Variants in OSBPL3 observed in about 807,000 individuals in gnomAD.
OSBPL3 encodes oxysterol binding protein like 3, also known as oxysterol-binding protein-related protein 3.
In OSBPL3, 65 loss-of-function variants were observed where a neutral mutation model predicts 120.1. The observed-to-expected ratio is 0.54, with a 90% CI of 0.44 to 0.67. The LOEUF is 0.67. OSBPL3 is among the 30% of genes least tolerant of loss of function. OSBPL3 has a pLI of 0.00. For synonymous variants in OSBPL3, 416 were observed against 402.6 expected (o/e 1.03, Z -0.40); for missense variants, 1,004 against 1,082.1 (o/e 0.93, Z 1.01).
chr7:24,931,655 T>C (rs927241454), intron 1 of OSBPL3, among the ~76,000 whole-genome samples: 1 of 150,706 alleles, frequency 6.6e-6, no homozygotes, highest in Non-Finnish European at 1.5e-5. Flanking sequence ...TGAAAGAAAA[T>C]AAAATTGTGT....
chr7:24,829,667 A>G (rs1584276100), intron 16 of OSBPL3, among the ~76,000 whole-genome samples: 1 of 152,200 alleles, frequency 6.6e-6, no homozygotes, highest in Non-Finnish European at 1.5e-5. Context: ...GGATATACAG[A>G]GAGTGGACGT....
At chr7:24,858,584 G>A (rs530333384) in intron 10 of OSBPL3, among the ~76,000 whole-genome samples, 2 of 152,352 alleles carry the variant, frequency 1.3e-5, no homozygotes, top group South Asian at 4.1e-4. Flanking sequence ...GCTCCCTGTG[G>A]AATTTGTTGT....
chr7:24,859,478 A>G (rs570773311), intron 10 of OSBPL3, among the ~76,000 whole-genome samples: 1 of 152,282 alleles, frequency 6.6e-6, no homozygotes, highest in South Asian at 2.1e-4. Flanking sequence ...TCATACCTAT[A>G]TATTGTTTTG....
chr7:24,861,269 C>T (rs182458483), intron 10 of OSBPL3, among the ~76,000 whole-genome samples: 2 of 152,258 alleles, frequency 1.3e-5, no homozygotes, highest in Admixed American at 6.5e-5. Flanking sequence ...ACAATGAATT[C>T]TTCAAAGTGG....
In OSBPL3 at chr7:24,936,821, C is replaced by G. The variant is rs1046629105; in HGVS notation, c.-150+43065G>C. 1.3e-5 allele frequency among the ~76,000 whole-genome samples: 2 copies of G among 152,184 alleles called. No individual in the cohort carries two copies. The highest frequency in any genetic ancestry group is 2.9e-5 in the Non-Finnish European group (2 of 68,030). ...AGTAGGAAACTCAAAGGCTTTTAAA[C>G]AGAGGACTAGACTGGTATCAGTATC... is the stretch of plus-strand genomic sequence containing the variant. On this transcript the variant is annotated intron_variant, in intron 1 of 22. Transcript: ENST00000313367. The surrounding 1 kb of genome is among the most constrained non-coding windows in gnomAD (Gnocchi z 4.2).
At chr7:24,859,091 A>T (rs574764386) in intron 10 of OSBPL3, among the ~76,000 whole-genome samples, 33 of 152,320 alleles carry the variant, frequency 2.2e-4, no homozygotes, top group African/African-American at 7.7e-4. Flanking sequence ...GTCTAATGGT[A>T]ATTAGGACAA....
chr7:24,927,280 A>G (rs558060127), intron 1 of OSBPL3, among the ~76,000 whole-genome samples: 1 of 152,334 alleles, frequency 6.6e-6, no homozygotes, highest in South Asian at 2.1e-4. Flanking sequence ...TCTGAATAGC[A>G]TTTTTATAAG....
chr7:24,861,879 T>G, intron 9 of OSBPL3, 110 bp from the exon 10 acceptor site: 16 of 605,956 alleles, frequency 2.6e-5, no homozygotes, highest in East Asian at 1.1e-4. Flanking sequence ...ATTTTATAGG[T>G]AGGTCTTTTT....
intron 1 of OSBPL3, among the ~76,000 whole-genome samples, chr7:24,976,341 A>G (rs564678214): frequency 2.7e-4 from 41 of 152,314 alleles, no homozygotes; most frequent in African/African-American, 8.2e-4. Context: ...GACAGTGCTT[A>G]AATAATTTAC....
At chr7:24,949,315 T>C (rs988295673) in intron 1 of OSBPL3, among the ~76,000 whole-genome samples, 38 of 152,232 alleles carry the variant, frequency 2.5e-4, no homozygotes, top group Non-Finnish European at 8.8e-5. Context: ...CTCTTTCTCA[T>C]ATTTTAATAT....
chr7:24,809,239 G>T (rs138832028), intron 20 of OSBPL3, among the ~76,000 whole-genome samples: 1 of 152,244 alleles, frequency 6.6e-6, no homozygotes, highest in African/African-American at 2.4e-5. Flanking sequence ...ATAATTTTCG[G>T]ACTTAGGAGA....
At position 24,879,385 on chromosome 7, in the gene OSBPL3, G is replaced by A. The variant is rs79981218; in HGVS notation, c.97-7316C>T. Among the ~76,000 whole-genome samples the A allele has an allele frequency of 2.6e-3, 389 of 152,304 alleles. 4 individuals carry two copies. The highest frequency in any genetic ancestry group is 8.9e-3 in the African/African-American group (372 of 41,566). ...TTCTGATGACTAAATGGGAGTAGCA[G>A]TCATCACCCGCCACCGTCACCATCC... On this transcript the variant is annotated intron_variant, in intron 2 of 22. Transcript: ENST00000313367. This position sits in a 1 kb window ranked among gnomAD's most constrained non-coding sequence, Gnocchi z 5.6.
intron 1 of OSBPL3, among the ~76,000 whole-genome samples, chr7:24,957,694 G>A (rs959387768): frequency 6.6e-6 from 1 of 152,038 alleles, no homozygotes; most frequent in African/African-American, 2.4e-5. Flanking sequence ...AATAAAAACT[G>A]CTTCCTCACT....
chr7:24,806,719 G>T lies in OSBPL3; in HGVS notation c.2444+57C>A. 1 of 1,552,298 alleles carries T rather than the reference G, an allele frequency of 6.4e-7. No individual in the cohort carries two copies. The highest frequency in any genetic ancestry group is 1.2e-5 in the South Asian group (1 of 83,730). On this transcript the variant is annotated intron_variant, in intron 21 of 22. Transcript: ENST00000313367. This position sits in a 1 kb window ranked among gnomAD's most constrained non-coding sequence, Gnocchi z 5.2. ...CTGGTGGCCTAAGGATTGTTAATAA[G>T]ACTTTTTGTAAAGGGTTTTACATCT...
rs1203130674 is a variant in OSBPL3 at position 24,965,244 on chromosome 7, T to C, written c.-150+14642A>G. On this transcript the variant is annotated intron_variant, in intron 1 of 22. Transcript: ENST00000313367. This position sits in a 1 kb window ranked among gnomAD's most constrained non-coding sequence, Gnocchi z 4.3. ...AGTATTTTCCAAGGAAAAAAGACAATGTAGAAGGAGCAATAAATCTACAGT... is the reference window on the plus strand; with the variant it reads ...AGTATTTTCCAAGGAAAAAAGACAACGTAGAAGGAGCAATAAATCTACAGT... Among the ~76,000 whole-genome samples the C allele has an allele frequency of 3.3e-5, 5 of 152,160 alleles. No homozygotes were observed. Among genetic ancestry groups the C allele is most frequent in the African/African-American group, 1.2e-4 (5 of 41,436 alleles).
At position 24,819,251 on chromosome 7, in the gene OSBPL3, CA is replaced by C. The variant is rs143386888; in HGVS notation, c.1948+923del. Among the ~76,000 whole-genome samples the C allele has an allele frequency of 0.24, 26,343 of 108,922 alleles. 3,173 individuals carry two copies. Among genetic ancestry groups the C allele is most frequent in the East Asian group, 0.56 (2,257 of 4,058 alleles). 71.5% of individuals were successfully genotyped at this position (108,922 alleles called of 152,430 possible). On this transcript the variant is annotated intron_variant, in intron 17 of 22. Transcript: ENST00000313367. This position sits in a 1 kb window ranked among gnomAD's most constrained non-coding sequence, Gnocchi z 4.1. Reference sequence around the variant, plus strand: ...CTAGCAACAGACTGAGACTCCATTTCAAAAAAAAAAAAAAAAAATCCAACTT... The same window carrying C: ...CTAGCAACAGACTGAGACTCCATTTCAAAAAAAAAAAAAAAAATCCAACTT...
rs1795856640 is a variant in OSBPL3 at position 24,827,584 on chromosome 7, T to C, written c.1884+3184A>G. ...ATACCTAGTCACACTGGACAATGCT[T>C]TCTGATCCCCATAGCAGGTCTATTT... On this transcript the variant is annotated intron_variant, in intron 16 of 22. Transcript: ENST00000313367. The surrounding 1 kb of genome is among the most constrained non-coding windows in gnomAD (Gnocchi z 5.1). Among the ~76,000 whole-genome samples the C allele has an allele frequency of 6.6e-6, 1 of 152,256 alleles. No individual in the cohort carries two copies. Among genetic ancestry groups the C allele is most frequent in the Non-Finnish European group, 1.5e-5 (1 of 68,042 alleles).
chr7:24,933,961 A>AT lies in OSBPL3; in HGVS notation c.-149-41341_-149-41340insA, dbSNP rs1170500214. On this transcript the variant is annotated intron_variant, in intron 1 of 22. Coordinates refer to ENST00000313367, the MANE Select transcript of OSBPL3 (RefSeq NM_015550.4). The surrounding 1 kb of genome is among the most constrained non-coding windows in gnomAD (Gnocchi z 5.1). ...TAAATACCTTTATAGATGACATTAG[A>AT]AAAGCAAAGTTTAAGAATGCAGATA... Among the ~76,000 whole-genome samples the AT allele has an allele frequency of 6.6e-6, 1 of 152,224 alleles. No homozygotes were observed. The highest frequency in any genetic ancestry group is 1.5e-5 in the Non-Finnish European group (1 of 68,026).
chr7:24,831,948 T>C lies in OSBPL3; in HGVS notation c.1747-1043A>G, dbSNP rs1377062706. Among the ~76,000 whole-genome samples, 1 of 152,158 alleles carries C rather than the reference T, an allele frequency of 6.6e-6. No homozygotes were observed. The highest frequency in any genetic ancestry group is 2.4e-5 in the African/African-American group (1 of 41,442). ...TGGGTGCAGTGGCTCACGCCTGTAA[T>C]CCCAGCACTTTGGGAGACCGAGGCA... On this transcript the variant is annotated intron_variant, in intron 15 of 22. Coordinates refer to ENST00000313367, the MANE Select transcript of OSBPL3 (RefSeq NM_015550.4). This position sits in a 1 kb window ranked among gnomAD's most constrained non-coding sequence, Gnocchi z 4.0.
Sources: allele counts gnomAD v4.1 joint callset (sites outside exome capture counted in the v4.1 genomes callset), GRCh38; gene constraint gnomAD v4.1.1; non-coding constraint Gnocchi (gnomAD v3.1); transcripts MANE v1.5; gene names NCBI Gene and HGNC (gene_info 2026-07-23, HGNC 2026-07-21).